Variants in MDK observed in about 807,000 individuals in gnomAD.
The protein encoded by MDK is amphiregulin-associated protein.
A neutral mutation model predicts 18.9 loss-of-function variants in MDK; 17 were observed. The observed-to-expected ratio is 0.90, with a 90% CI of 0.62 to 1.35. MDK has a LOEUF of 1.35. Ranked by LOEUF, MDK falls within the 40% of genes most tolerant of loss-of-function variation. The pLI is 0.00. For missense variants in MDK, 180 were observed against 186.3 expected (o/e 0.97, Z 0.20); for synonymous variants, 86 against 74.3 (o/e 1.16, Z -0.81).
Position 46,382,417 on chromosome 11 carries a change from GCA to G in MDK, c.201_202del (p.Ile68ProfsTer21). The G allele has an allele frequency of 6.5e-7, 1 of 1,537,772 alleles. No homozygotes were observed. Among genetic ancestry groups the G allele is most frequent in the East Asian group, 2.3e-5 (1 of 43,568 alleles). On this transcript the variant is annotated frameshift_variant, in exon 3 of 5. Coordinates refer to ENST00000395566, the MANE Select transcript of MDK (RefSeq NM_002391.6). LOFTEE classifies it high-confidence loss of function. The stretch of plus-strand genomic sequence containing the variant: ...GGCACCTGCGGGGCCCAGACCCAGC[GCA>G]TCCGGTGCAGGGTGCCCTGCAACTG...
intron 4 of MDK, chr11:46,383,214 C>T: frequency 2.2e-6 from 1 of 458,474 alleles, no homozygotes; most frequent in Non-Finnish European, 3.9e-6. Context: ...TGAGGATGCC[C>T]AGGGCTGCTG....
rs1945245018 is a variant in MDK, at chr11:46,382,603, G to A, written c.261G>A (p.Lys87=). The A allele has an allele frequency of 1.2e-6, 2 of 1,611,650 alleles. No homozygotes were observed. The highest frequency in any genetic ancestry group is 1.1e-5 in the South Asian group (1 of 90,906). ...KKEFGADCKY[K]FENWGACDGG... Reference sequence around the variant, plus strand: ...TCTCGCCAGCCGACTGCAAGTACAAGTTTGAGAACTGGGGTGCGTGTGATG... The same window carrying A: ...TCTCGCCAGCCGACTGCAAGTACAAATTTGAGAACTGGGGTGCGTGTGATG... Residue 87 remains lysine (K), a synonymous_variant, in exon 4 of 5, where the codon AAG becomes AAA. Coordinates refer to ENST00000395566, the MANE Select transcript of MDK (RefSeq NM_002391.6).
chr11:46,383,261 G>C (rs1945275472), intron 4 of MDK: 3 of 523,720 alleles, frequency 5.7e-6, no homozygotes, highest in Non-Finnish European at 1.0e-5. Flanking sequence ...AAGGTTTTCT[G>C]ATCCCAAGTG....
intron 1 of MDK, 66 bp from the exon 2 acceptor site, chr11:46,381,991 C>T (rs545586027): frequency 3.3e-6 from 5 of 1,498,008 alleles, no homozygotes; most frequent in Non-Finnish European, 4.5e-6. Flanking sequence ...GGTGGGAGGG[C>T]CCTGCACGCG....
Position 46,382,339 on chromosome 11 carries a change from C to G in MDK, c.122C>G (p.Ala41Gly). ...CCGGGGAGCGAGTGCGCTGAGTGGG[C>G]CTGGGGGCCCTGCACCCCCAGCAGC... ...GGPGSECAEW[A>G]WGPCTPSSKD... The change falls in exon 3 of 5, where the codon GCC (alanine) becomes GGC (glycine). Residue 41 changes from alanine to glycine, a missense_variant. Coordinates refer to ENST00000395566, the MANE Select transcript of MDK (RefSeq NM_002391.6). The G allele has an allele frequency of 6.2e-7, 1 of 1,603,680 alleles. No individual in the cohort carries two copies. Among genetic ancestry groups the G allele is most frequent in the South Asian group, 1.1e-5 (1 of 90,020 alleles).
intron 2 of MDK, 44 bp from the exon 3 acceptor site, chr11:46,382,250 C>G (rs766378741): frequency 6.2e-7 from 1 of 1,603,404 alleles, no homozygotes. Flanking sequence ...CCGAGGGAGT[C>G]TCCCCGTGCC....
chr11:46,381,983 TG>T, intron 1 of MDK, 73 bp from the exon 2 acceptor site: 2 of 1,456,642 alleles, frequency 1.4e-6, no homozygotes, highest in Middle Eastern at 2.4e-4. Flanking sequence ...CACGCGGAGG[TG>T]GGAGGGCCCT....
intron 1 of MDK, 60 bp from the exon 2 acceptor site, chr11:46,381,997 A>G: frequency 6.6e-7 from 1 of 1,521,452 alleles, no homozygotes; most frequent in East Asian, 2.4e-5. Flanking sequence ...AGGGCCCTGC[A>G]CGCGGCCCCC....
chr11:46,382,175 G>A, intron 2 of MDK, 42 bp downstream of exon 2: 1 of 1,607,830 alleles, frequency 6.2e-7, no homozygotes, highest in Non-Finnish European at 8.5e-7. Flanking sequence ...ACGGGCAGGC[G>A]AGGCCCCTCC....
chr11:46,382,560 C>A, intron 3 of MDK, 27 bp from the exon 4 acceptor site: 1 of 1,589,762 alleles, frequency 6.3e-7, no homozygotes. Context: ...GGCCGCGCAG[C>A]GCTGACCTGG....
Position 46,382,047 on chromosome 11 carries a change from C to G in MDK, c.-1-10C>G, listed in dbSNP as rs1945204430. The G allele has an allele frequency of 3.7e-6, 6 of 1,601,736 alleles. No homozygotes were observed. Among genetic ancestry groups the G allele is most frequent in the Non-Finnish European group, 5.1e-6 (6 of 1,175,064 alleles). On this transcript the variant is annotated splice_polypyrimidine_tract_variant and intron_variant, in intron 1 of 4. Transcript: ENST00000395566. ...CGGGCCAGGGATTCAGACTCGGGCT[C>G]TCCCCTCAGGATGCAGCACCGAGGC...
chr11:46,383,116 C>T (rs375489107), intron 4 of MDK: 1 of 419,622 alleles, frequency 2.4e-6, no homozygotes, highest in Non-Finnish European at 4.4e-6. Flanking sequence ...GGTCAAGGCC[C>T]ACCCTGGGCC....
chr11:46,382,895 G>T (rs1945266327), intron 4 of MDK, 147 bp downstream of exon 4: 3 of 944,996 alleles, frequency 3.2e-6, no homozygotes, highest in Admixed American at 2.4e-5. Flanking sequence ...TTCCCTGCCT[G>T]GAAAAGTCTG....
chr11:46,382,015 A>T, intron 1 of MDK, 42 bp from the exon 2 acceptor site: 1 of 1,558,038 alleles, frequency 6.4e-7, no homozygotes, highest in Non-Finnish European at 8.7e-7. Flanking sequence ...CCCGGTGGGG[A>T]AGGGGACGGG....
Position 46,382,741 on chromosome 11 carries a change from G to A in MDK, c.399G>A (p.Lys133=), listed in dbSNP as rs996478728. The part of the protein sequence containing the change: ...TKPCTPKTKA[K]AKAKKGKGKD ...CCTGCACCCCCAAGACCAAAGCAAA[G>A]GCCAAAGGTCAGCGAAAGGAGAAGG... Residue 133 remains lysine (K), a synonymous_variant, in exon 4 of 5, where the codon AAG becomes AAA. Transcript: ENST00000395566. The A allele has an allele frequency of 2.5e-6, 4 of 1,604,884 alleles. No individual in the cohort carries two copies. Among genetic ancestry groups the A allele is most frequent in the African/African-American group, 2.8e-5 (2 of 72,206 alleles).
chr11:46,382,198 G>A, intron 2 of MDK, 65 bp downstream of exon 2: 1 of 1,605,772 alleles, frequency 6.2e-7, no homozygotes, highest in Non-Finnish European at 8.5e-7. Context: ...TTCTGGGCTG[G>A]GCCGCCTGGG....
At chr11:46,383,184 CGCTTCTCAGGTGAGGA>C (rs1590678256) in intron 4 of MDK, 2 of 426,624 alleles carry the variant, frequency 4.7e-6, no homozygotes, top group Non-Finnish European at 4.2e-6. Flanking sequence ...TGAATCTGCC[CGCTTCTCAGGTGAGGA>C]GGCTGAGGAT....
At chr11:46,382,799 C>CA in intron 4 of MDK, 51 bp downstream of exon 4, 3 of 1,517,088 alleles carry the variant, frequency 2.0e-6, no homozygotes, top group African/African-American at 1.5e-5. Context: ...TGCCCCCCCC[C>CA]CCCCCCGCCT....
upstream of MDK, chr11:46,381,343 G>T: frequency 6.5e-6 from 1 of 152,894 alleles, no homozygotes; most frequent in South Asian, 1.9e-4. Flanking sequence ...GGCAGGGGAC[G>T]ACCTGGGATG....
Sources: gnomAD v4.1 joint callset for allele counts on GRCh38, gnomAD v4.1.1 for gene constraint, MANE v1.5 for transcripts, NCBI Gene and HGNC (gene_info 2026-07-23, HGNC 2026-07-21) for gene names.